The following PRELID2 variants were observed in gnomAD, a reference collection of about 807,000 sequenced individuals.
The protein encoded by PRELID2 is PRELI domain-containing protein 2.
A neutral mutation model predicts 28.4 loss-of-function variants in PRELID2; 25 were observed. The observed-to-expected ratio is 0.88, with a 90% CI of 0.64 to 1.23. The LOEUF is 1.23. Among genes scored for constraint, PRELID2 ranks in the 50% most tolerant of loss-of-function variants. The pLI is 0.00. For synonymous variants in PRELID2, 76 were observed against 71.6 expected (o/e 1.06, Z -0.31); for missense variants, 201 against 214.4 (o/e 0.94, Z 0.39).
chr5:145,755,390 A>G (rs1380801876), downstream of PRELID2, among the ~76,000 whole-genome samples: 7 of 152,206 alleles, frequency 4.6e-5, no homozygotes, highest in South Asian at 1.2e-3. Context: ...TCCTCTCATT[A>G]AAGACAATTT....
At chr5:145,622,331 CTT>C (rs1265811486) in intron 1 of PRELID2, among the ~76,000 whole-genome samples, 1 of 152,028 alleles carries the variant, frequency 6.6e-6, no homozygotes, top group East Asian at 1.9e-4. Flanking sequence ...TGATATGTGA[CTT>C]ATATCCCTAT....
At chr5:145,416,297 C>G in the PRELID2 span, among the ~76,000 whole-genome samples, 1 of 151,910 alleles carries the variant, frequency 6.6e-6, no homozygotes, top group Non-Finnish European at 1.5e-5. Context: ...AACGTTAGAC[C>G]TAAAACCATA....
the PRELID2 span, among the ~76,000 whole-genome samples, chr5:145,240,812 A>C: frequency 6.6e-6 from 1 of 152,020 alleles, no homozygotes; most frequent in East Asian, 1.9e-4. Context: ...ATGACATATA[A>C]AAAAATTAAC....
At chr5:145,740,718 A>T (rs1405320244) in intron 1 of PRELID2, among the ~76,000 whole-genome samples, 1 of 119,402 alleles carries the variant, frequency 8.4e-6, no homozygotes, top group Non-Finnish European at 1.6e-5. Flanking sequence ...TAATATAAAT[A>T]TATTACATTA....
chr5:145,563,690 A>G (rs762302639), intron 1 of PRELID2, among the ~76,000 whole-genome samples: 5 of 152,244 alleles, frequency 3.3e-5, no homozygotes, highest in Non-Finnish European at 7.3e-5. Flanking sequence ...AAAGAAAAAT[A>G]CTGCATGATC....
intron 1 of PRELID2, 41 bp from the exon 2 acceptor site, chr5:145,823,175 T>C (rs774605795): frequency 1.0e-6 from 1 of 988,682 alleles, no homozygotes; most frequent in Non-Finnish European, 1.6e-6. Flanking sequence ...ATTAATCTTC[T>C]ACCAAGGTGA....
intron 1 of PRELID2, among the ~76,000 whole-genome samples, chr5:145,620,834 C>T (rs796981638): frequency 6.6e-6 from 1 of 150,922 alleles, no homozygotes; most frequent in Non-Finnish European, 1.5e-5. Context: ...CACACACACA[C>T]ACACACACAA....
At chr5:145,407,894 C>T in the PRELID2 span, among the ~76,000 whole-genome samples, 5 of 152,168 alleles carry the variant, frequency 3.3e-5, no homozygotes, top group Non-Finnish European at 7.3e-5. Context: ...CCACAGAGTA[C>T]ACTTCAATCC....
chr5:145,740,229 G>T (rs1243937826), intron 1 of PRELID2, among the ~76,000 whole-genome samples: 1 of 127,648 alleles, frequency 7.8e-6, no homozygotes, highest in Non-Finnish European at 1.6e-5. Context: ...AAGTACTAGG[G>T]ATAGAGTCAT....
intron 1 of PRELID2, among the ~76,000 whole-genome samples, chr5:145,734,574 T>C (rs1046581873): frequency 2.0e-5 from 3 of 152,198 alleles, no homozygotes; most frequent in African/African-American, 7.2e-5. Flanking sequence ...TTATTCAGGA[T>C]GCTGTGGATA....
At chr5:145,422,228 C>T in the PRELID2 span, among the ~76,000 whole-genome samples, 91,951 of 142,844 alleles carry the variant, frequency 0.64, 30,192 homozygotes, top group Non-Finnish European at 0.71. Flanking sequence ...GGGTGGAGAG[C>T]TCTGTAGATG....
chr5:145,834,455 T>C (rs1431861872), intron 1 of PRELID2, among the ~76,000 whole-genome samples: 1 of 152,218 alleles, frequency 6.6e-6, no homozygotes, highest in Non-Finnish European at 1.5e-5. Context: ...GGTAAACAAC[T>C]TAGGAAGTGC....
At chr5:145,265,074 AG>A in the PRELID2 span, among the ~76,000 whole-genome samples, 1 of 151,950 alleles carries the variant, frequency 6.6e-6, no homozygotes, top group African/African-American at 2.4e-5. Flanking sequence ...TCATTCAAAA[AG>A]CTCCTAGAAC....
At chr5:145,519,799 G>A (rs986487354) in intron 1 of PRELID2, among the ~76,000 whole-genome samples, 70 of 152,262 alleles carry the variant, frequency 4.6e-4, no homozygotes, top group African/African-American at 1.6e-3. Context: ...TTTCAAGATT[G>A]ATTTATTTTA....
the PRELID2 span, among the ~76,000 whole-genome samples, chr5:145,237,748 C>A: frequency 6.6e-6 from 1 of 152,048 alleles, no homozygotes; most frequent in Admixed American, 6.6e-5. Flanking sequence ...TGAGGCTGGA[C>A]TTTTTCTACC....
intron 1 of PRELID2, among the ~76,000 whole-genome samples, chr5:145,496,464 G>C (rs1198394398): frequency 6.6e-6 from 1 of 152,140 alleles, no homozygotes; most frequent in African/African-American, 2.4e-5. Flanking sequence ...CCAATACTTG[G>C]AGATCTGAAA....
chr5:145,404,547 A>G, the PRELID2 span, among the ~76,000 whole-genome samples: 1 of 152,218 alleles, frequency 6.6e-6, no homozygotes, highest in Non-Finnish European at 1.5e-5. Context: ...AGACTGACCA[A>G]ATGACCAACA....
chr5:145,337,311 T>C, the PRELID2 span, among the ~76,000 whole-genome samples: 3 of 151,940 alleles, frequency 2.0e-5, no homozygotes, highest in Non-Finnish European at 4.4e-5. Flanking sequence ...TGCAAACCTC[T>C]AGCTAGACTA....
chr5:145,523,263 G>GA (rs563872606), intron 1 of PRELID2, among the ~76,000 whole-genome samples: 1 of 151,892 alleles, frequency 6.6e-6, no homozygotes, highest in Non-Finnish European at 1.5e-5. Context: ...GCAATCGGAG[G>GA]AAAAAACACT....
Sources: allele counts gnomAD v4.1 joint callset (sites outside exome capture counted in the v4.1 genomes callset), GRCh38; gene constraint gnomAD v4.1.1; transcripts MANE v1.5; gene names NCBI Gene and HGNC (gene_info 2026-07-23, HGNC 2026-07-21).